Variants in ACP3 observed in about 807,000 individuals in gnomAD.
ACP3 encodes acid phosphatase 3.
Under a neutral mutation model 45.6 loss-of-function variants are expected in ACP3, and 38 were observed. The ratio of observed to expected loss-of-function variants is 0.83; its 90% CI spans 0.64 to 1.09. ACP3 has a LOEUF of 1.09. Ranked by LOEUF, ACP3 falls within the 50% of genes least tolerant of loss-of-function variation. The pLI, the probability that ACP3 is intolerant of heterozygous loss-of-function variation, is 0.00. For synonymous variants in ACP3, 162 were observed against 164.7 expected (o/e 0.98, Z 0.13); for missense variants, 466 against 463.2 (o/e 1.01, Z -0.05).
At chr3:132,325,744 A>G (rs1431209430) in intron 1 of ACP3, among the ~76,000 whole-genome samples, 1 of 152,188 alleles carries the variant, frequency 6.6e-6, no homozygotes, top group Admixed American at 6.5e-5. Flanking sequence ...TGAACCTCTC[A>G]CAGGTGGTTA....
chr3:132,324,361 T>C (rs774691122), intron 1 of ACP3, among the ~76,000 whole-genome samples: 2 of 152,186 alleles, frequency 1.3e-5, no homozygotes, highest in Non-Finnish European at 2.9e-5. Context: ...GGTTCATTCA[T>C]GGGGGCACCA....
At chr3:132,365,592 C>T (rs972230927) in intron 10 of ACP3, among the ~76,000 whole-genome samples, 1 of 152,164 alleles carries the variant, frequency 6.6e-6, no homozygotes, top group Non-Finnish European at 1.5e-5. Context: ...AGAACTGTAG[C>T]TTTTATTCTG....
chr3:132,342,500 C>A, intron 5 of ACP3, 52 bp from the exon 6 acceptor site: 3 of 1,270,862 alleles, frequency 2.4e-6, no homozygotes, highest in Non-Finnish European at 3.4e-6. Flanking sequence ...ATCAATAATG[C>A]TGAAGCTGAG....
Position 132,356,712 on chromosome 3 carries a change from G to A in ACP3, c.995G>A (p.Arg332Gln), listed in dbSNP as rs370584472. The A allele has an allele frequency of 1.6e-5, 26 of 1,613,946 alleles. No individual in the cohort carries two copies. Among genetic ancestry groups the A allele is most frequent in the South Asian group, 7.7e-5 (7 of 91,078 alleles). Residue 332 changes from arginine to glutamine, a missense_variant, in exon 10 of 10, where the codon CGG becomes CAG. Arg to Gln is a conservative substitution (Grantham distance 43). Transcript: ENST00000336375. ...KGEYFVEMYY[R>Q]NETQHEPYPL... is the part of the protein sequence containing the mutation. Reference sequence around the variant, plus strand: ...GAGTACTTTGTGGAGATGTACTATCGGAATGAGACGCAGCACGAGCCGTAT... The same window carrying A: ...GAGTACTTTGTGGAGATGTACTATCAGAATGAGACGCAGCACGAGCCGTAT...
At chr3:132,359,286 G>T (rs1937989344), downstream of ACP3, among the ~76,000 whole-genome samples, 1 of 152,134 alleles carries the variant, frequency 6.6e-6, no homozygotes, top group Admixed American at 6.5e-5. Flanking sequence ...GCCAAGGTGG[G>T]CGGATCACAA....
At chr3:132,330,746 T>G (rs1937385542) in intron 2 of ACP3, among the ~76,000 whole-genome samples, 1 of 152,180 alleles carries the variant, frequency 6.6e-6, no homozygotes, top group Non-Finnish European at 1.5e-5. Flanking sequence ...ACCTCCTCTC[T>G]GGCTCCCAAA....
intron 7 of ACP3, among the ~76,000 whole-genome samples, chr3:132,345,982 C>A (rs1331350174): frequency 6.6e-6 from 1 of 152,148 alleles, no homozygotes; most frequent in Non-Finnish European, 1.5e-5. Context: ...GAGGAAAGTC[C>A]AAGCCACAGG....
At chr3:132,342,438 C>T in intron 5 of ACP3, 114 bp from the exon 6 acceptor site, 1 of 671,402 alleles carries the variant, frequency 1.5e-6, no homozygotes, top group Non-Finnish European at 2.6e-6. Context: ...TGTGAAACAT[C>T]CTATAATGCA....
chr3:132,328,292 C>G lies in ACP3; in HGVS notation c.146C>G (p.Pro49Arg). The G allele has an allele frequency of 6.2e-7, 1 of 1,613,902 alleles. No homozygotes were observed. The highest frequency in any genetic ancestry group is 1.3e-5 in the African/African-American group (1 of 75,014). ...TLVFRHGDRSPIDTFPTDPIK... is the reference protein window; with the variant it reads ...TLVFRHGDRSRIDTFPTDPIK... ...GTGTTTCGGCATGGAGACCGAAGTC[C>G]CATTGACACCTTTCCCACTGACCCC... The change falls in exon 2 of 10, where the codon CCC becomes CGC. Residue 49 changes from proline (P) to arginine (R), a missense_variant. By Grantham distance (103) the Pro-to-Arg change is moderately radical. Transcript: ENST00000336375.
At chr3:132,363,672 C>T (rs528828698), downstream of ACP3, among the ~76,000 whole-genome samples, 1 of 152,284 alleles carries the variant, frequency 6.6e-6, no homozygotes, top group South Asian at 2.1e-4. Flanking sequence ...GGCACGGTGG[C>T]TCATGCCTAT....
At chr3:132,363,011 C>G (rs1425170408), downstream of ACP3, among the ~76,000 whole-genome samples, 2 of 152,158 alleles carry the variant, frequency 1.3e-5, no homozygotes, top group Non-Finnish European at 2.9e-5. Flanking sequence ...ATCATGCTCT[C>G]TTTTCTCAGT....
At chr3:132,356,585 A>T in intron 9 of ACP3, 101 bp from the exon 10 acceptor site, 1 of 1,580,828 alleles carries the variant, frequency 6.3e-7, no homozygotes, top group Admixed American at 1.9e-5. Flanking sequence ...TTTTTCCATT[A>T]GTCCCTCAAC....
chr3:132,354,245 G>A lies in ACP3; in HGVS notation c.968+1422G>A, dbSNP rs564898578. The stretch of plus-strand genomic sequence containing the variant: ...CACCATCTCCTTTGGGATAAGACAA[G>A]AGAAGCTACTGACTCTACTCGTACC... On this transcript the variant is annotated intron_variant, in intron 9 of 9. Transcript: ENST00000336375. 4.6e-5 allele frequency among the ~76,000 whole-genome samples: 7 copies of A among 152,168 alleles called. No individual in the cohort carries two copies. The East Asian group carries it at 1.4e-3, about 29-fold the overall frequency.
intron 7 of ACP3, among the ~76,000 whole-genome samples, chr3:132,348,287 G>T (rs909480203): frequency 1.3e-5 from 2 of 152,108 alleles, no homozygotes; most frequent in African/African-American, 4.8e-5. Flanking sequence ...AGCTTTCCAC[G>T]ATAGCATGTT....
At chr3:132,350,630 A>G (rs1033412400) in intron 8 of ACP3, among the ~76,000 whole-genome samples, 2 of 152,338 alleles carry the variant, frequency 1.3e-5, no homozygotes, top group African/African-American at 4.8e-5. Context: ...GAGCACAGAT[A>G]TACAACATCT....
chr3:132,323,297 T>C (rs528648636), intron 1 of ACP3, among the ~76,000 whole-genome samples: 1 of 152,314 alleles, frequency 6.6e-6, no homozygotes, highest in East Asian at 1.9e-4. Context: ...AATCCGAGAT[T>C]CACCTGTTCA....
Position 132,352,733 on chromosome 3 carries a change from T to G in ACP3, c.878T>G (p.Val293Gly), listed in dbSNP as rs1256882448. ...LIMYSAHDTT[V>G]SGLQMALDVY... is the part of the protein sequence containing the mutation. ...CAATCTCTGTAGCATGACACTACTG[T>G]GAGTGGCCTACAGATGGCGCTAGAT... Residue 293 changes from valine (V) to glycine (G), a missense_variant, in exon 9 of 10, where the codon GTG (valine) becomes GGG (glycine). Coordinates refer to ENST00000336375, the MANE Select transcript of ACP3 (RefSeq NM_001099.5). The G allele has an allele frequency of 1.9e-6, 3 of 1,612,058 alleles. No homozygotes were observed. Among genetic ancestry groups the G allele is most frequent in the African/African-American group, 1.3e-5 (1 of 74,886 alleles).
intron 10 of ACP3, among the ~76,000 whole-genome samples, chr3:132,365,757 T>C (rs561169460): frequency 8.6e-6 from 1 of 116,902 alleles, no homozygotes; most frequent in South Asian, 2.8e-4. Flanking sequence ...CAGGTGGTGG[T>C]GGGTGGATCA....
In ACP3 at chr3:132,357,291, A is replaced by AC. The variant is rs1178080513; in HGVS notation, c.*417dup. ...GAAATGGAACAGATTTCAAAAAAAA[A>AC]CCCCACAATCTAGGATGGGAACAAG... is the stretch of plus-strand genomic sequence containing the variant. On this transcript the variant is annotated 3_prime_UTR_variant, in exon 10 of 10. Coordinates refer to ENST00000336375, the MANE Select transcript of ACP3 (RefSeq NM_001099.5). 7 of 986,714 alleles carry AC rather than the reference A, an allele frequency of 7.1e-6. No individual in the cohort carries two copies. The highest frequency in any genetic ancestry group is 1.1e-4 in the East Asian group (1 of 8,852). The allele number at this position is 986,714 out of a possible 1,614,324, so 61.1% of individuals were successfully genotyped here. A position where few individuals can be genotyped will look rare whatever the true frequency, so the allele number is the denominator to read the frequency against.
Sources: allele counts gnomAD v4.1 joint callset (sites outside exome capture counted in the v4.1 genomes callset), GRCh38; gene constraint gnomAD v4.1.1; transcripts MANE v1.5; gene names NCBI Gene and HGNC (gene_info 2026-07-23, HGNC 2026-07-21).